The following PKNOX2 variants were observed in gnomAD, a reference collection of about 807,000 sequenced individuals.
PKNOX2 encodes the protein homeobox protein PKNOX2.
In PKNOX2, 14 loss-of-function variants were observed where a neutral mutation model predicts 53.1. The observed-to-expected ratio is 0.26, with a 90% confidence interval of 0.17 to 0.41. The LOEUF (loss-of-function observed/expected upper bound fraction) is 0.41, where lower values mean the gene tolerates loss of function less well. PKNOX2 is among the 10% of genes least tolerant of loss of function. PKNOX2 has a pLI of 1.00. For missense variants in PKNOX2, 496 were observed against 602.8 expected, an observed-to-expected ratio of 0.82 and a Z score of 1.85; for synonymous variants, 257 against 242.8, an observed-to-expected ratio of 1.06 and a Z score of -0.54.
chr11:125,201,353 A>C (rs1176871384), intron 1 of PKNOX2, among the ~76,000 whole-genome samples: 1 of 150,722 alleles, frequency 6.6e-6, no homozygotes, highest in Non-Finnish European at 1.5e-5. Flanking sequence ...CTGGAACTGC[A>C]TCCTTCCCAG....
At chr11:125,374,870 G>A (rs527370571) in intron 5 of PKNOX2, among the ~76,000 whole-genome samples, 31 of 151,644 alleles carry the variant, frequency 2.0e-4, no homozygotes, top group Non-Finnish European at 3.8e-4. Flanking sequence ...GGACTGCACC[G>A]GGTCTGTCCC....
At chr11:125,317,978 G>T (rs1322517472) in intron 2 of PKNOX2, among the ~76,000 whole-genome samples, 3 of 152,204 alleles carry the variant, frequency 2.0e-5, no homozygotes, top group Non-Finnish European at 4.4e-5. Flanking sequence ...TCTTAGCTAG[G>T]TCTTCTGGAT....
At chr11:125,247,100 T>A (rs1943620070) in intron 2 of PKNOX2, among the ~76,000 whole-genome samples, 1 of 152,164 alleles carries the variant, frequency 6.6e-6, no homozygotes, top group African/African-American at 2.4e-5. Context: ...CCCCAGGGCC[T>A]CTTGTCTCCT....
At chr11:125,226,884 C>T (rs1255666250) in intron 1 of PKNOX2, among the ~76,000 whole-genome samples, 2 of 151,736 alleles carry the variant, frequency 1.3e-5, no homozygotes, top group Non-Finnish European at 2.9e-5. Context: ...GGAACACAGT[C>T]CCTCCTCCCT....
At chr11:125,294,530 G>T (rs1310978370) in intron 2 of PKNOX2, among the ~76,000 whole-genome samples, 1 of 152,220 alleles carries the variant, frequency 6.6e-6, no homozygotes, top group Admixed American at 6.5e-5. Flanking sequence ...AGGGGACAGG[G>T]TTGGGTGGAG....
intron 1 of PKNOX2, among the ~76,000 whole-genome samples, chr11:125,220,974 T>C (rs979798265): frequency 5.3e-5 from 8 of 152,120 alleles, no homozygotes; most frequent in African/African-American, 1.7e-4. Context: ...GCCCACATAG[T>C]GAAACCCCGA....
chr11:125,343,713 C>T (rs759788914), intron 3 of PKNOX2, among the ~76,000 whole-genome samples: 1 of 152,136 alleles, frequency 6.6e-6, no homozygotes, highest in South Asian at 2.1e-4. Flanking sequence ...GGTGTGACAG[C>T]GAGGCAGGGA....
At chr11:125,335,854 A>G (rs777292751) in intron 3 of PKNOX2, among the ~76,000 whole-genome samples, 4 of 152,114 alleles carry the variant, frequency 2.6e-5, no homozygotes, top group Admixed American at 1.3e-4. Flanking sequence ...AGAGGCATGC[A>G]TCTTGCAAAG....
chr11:125,168,780 A>C (rs1413852797), intron 1 of PKNOX2, among the ~76,000 whole-genome samples: 1 of 152,244 alleles, frequency 6.6e-6, no homozygotes, highest in Non-Finnish European at 1.5e-5. Context: ...GCAGCAGAGC[A>C]GGGGAAAATT....
intron 7 of PKNOX2, among the ~76,000 whole-genome samples, chr11:125,400,192 GCACT>G (rs1479416877): frequency 6.6e-6 from 1 of 152,090 alleles, no homozygotes; most frequent in Non-Finnish European, 1.5e-5. Flanking sequence ...TGCAAGCGAG[GCACT>G]GAGAAAGAGA....
chr11:125,367,757 G>C, intron 4 of PKNOX2, 89 bp from the exon 5 acceptor site: 2 of 1,428,184 alleles, frequency 1.4e-6, no homozygotes, highest in Middle Eastern at 2.6e-4. Flanking sequence ...TCCGGGCACA[G>C]CACAGGCCAA....
At chr11:125,219,446 A>G (rs1391537305) in intron 1 of PKNOX2, among the ~76,000 whole-genome samples, 2 of 152,108 alleles carry the variant, frequency 1.3e-5, no homozygotes, top group African/African-American at 2.4e-5. Flanking sequence ...CTCAAAAAAA[A>G]AAAAAAATTA....
rs1555108485 is a variant in PKNOX2 at position 125,178,696 on chromosome 11, G to GAGAGAA, written c.-201+13923_-201+13924insGAAAGA. 2.3e-3 allele frequency among the ~76,000 whole-genome samples: 161 copies of GAGAGAA among 70,174 alleles called. 4 individuals carry two copies. The highest frequency in any genetic ancestry group is 5.6e-4 in the Non-Finnish European group (18 of 32,338). 46.0% of individuals were successfully genotyped at this position (70,174 alleles called of 152,430 possible). A position where few individuals can be genotyped will look rare whatever the true frequency, so the allele number is the denominator to read the frequency against. On this transcript the variant is annotated intron_variant, in intron 1 of 12. Coordinates refer to ENST00000298282, the MANE Select transcript of PKNOX2 (RefSeq NM_001382323.2). ...AAAGAAAGAGAGAGAGAGAGAGAGA[G>GAGAGAA]AGAAAGAAAGAAAGAAAGAAAGAGA...
chr11:125,281,183 C>T (rs922616254), intron 2 of PKNOX2, among the ~76,000 whole-genome samples: 1 of 152,192 alleles, frequency 6.6e-6, no homozygotes, highest in African/African-American at 2.4e-5. Context: ...TGCAAGAGCT[C>T]GTGGCCAGCA....
intron 5 of PKNOX2, among the ~76,000 whole-genome samples, chr11:125,382,896 A>G (rs963472476): frequency 6.6e-6 from 1 of 152,170 alleles, no homozygotes; most frequent in African/African-American, 2.4e-5. Context: ...ATCTCCTGGC[A>G]GTTTGGGGCA....
intron 2 of PKNOX2, among the ~76,000 whole-genome samples, chr11:125,260,497 T>G (rs1944766605): frequency 6.6e-6 from 1 of 152,124 alleles, no homozygotes; most frequent in South Asian, 2.1e-4. Flanking sequence ...ATGCCCAGCC[T>G]GTTTTATGGT....
At chr11:125,195,990 G>A (rs1297266324) in intron 1 of PKNOX2, among the ~76,000 whole-genome samples, 1 of 151,640 alleles carries the variant, frequency 6.6e-6, no homozygotes, top group Non-Finnish European at 1.5e-5. Context: ...GCCTCAGGCC[G>A]GTCCCCTCCC....
chr11:125,411,376 C>T (rs1436763550), intron 9 of PKNOX2: 2 of 381,202 alleles, frequency 5.2e-6, no homozygotes, highest in Non-Finnish European at 1.0e-5. Context: ...TGTAAAGTAC[C>T]ACAGAAATGC....
chr11:125,269,296 A>G (rs1359738697), intron 2 of PKNOX2, among the ~76,000 whole-genome samples: 1 of 152,068 alleles, frequency 6.6e-6, no homozygotes, highest in East Asian at 1.9e-4. Context: ...GACCGCAGGT[A>G]TTCATCATCC....
Sources: gnomAD v4.1 joint callset for allele counts (sites outside exome capture counted in the v4.1 genomes callset) on GRCh38, gnomAD v4.1.1 for gene constraint, MANE v1.5 for transcripts, NCBI Gene and HGNC (gene_info 2026-07-23, HGNC 2026-07-21) for gene names.